The following STYX variants were observed in gnomAD, a reference collection of about 807,000 sequenced individuals.
STYX encodes the protein serine/threonine/tyrosine interacting protein.
In STYX, 20 loss-of-function variants were observed where a neutral mutation model predicts 42.7. The ratio of observed to expected loss-of-function variants is 0.47; its 90% CI spans 0.33 to 0.68. The LOEUF is 0.68. Ranked by LOEUF, STYX falls within the 30% of genes least tolerant of loss-of-function variation. The pLI, the probability that STYX is intolerant of heterozygous loss-of-function variation, is 0.02. For synonymous variants in STYX, 78 were observed against 81.9 expected (o/e 0.95, Z 0.26); for missense variants, 226 against 268.5 (o/e 0.84, Z 1.11).
At chr14:52,733,943 A>G (rs1006697768) in intron 1 of STYX, among the ~76,000 whole-genome samples, 2 of 152,170 alleles carry the variant, frequency 1.3e-5, no homozygotes, top group African/African-American at 4.8e-5. Context: ...CTTGGGTCCA[A>G]ATACCCCCTA....
At chr14:52,748,346 A>G (rs1255344894) in intron 3 of STYX, among the ~76,000 whole-genome samples, 1 of 152,160 alleles carries the variant, frequency 6.6e-6, no homozygotes, top group Non-Finnish European at 1.5e-5. Flanking sequence ...TTCCCACCTT[A>G]GTCTCCCAAG....
intron 9 of STYX, among the ~76,000 whole-genome samples, chr14:52,763,294 A>G (rs1882172241): frequency 6.6e-6 from 1 of 152,136 alleles, no homozygotes; most frequent in South Asian, 2.1e-4. Context: ...AAGGAAAATA[A>G]TATCTTGTAC....
rs867635216 is a variant in STYX, at chr14:52,771,860, C to G, written c.*754C>G. On this transcript the variant is annotated 3_prime_UTR_variant, in exon 11 of 11. Coordinates refer to ENST00000354586, the MANE Select transcript of STYX (RefSeq NM_145251.4). ...ATTTATAGTACCAAGTGCTTAAACA[C>G]AAGGATAGTGTTAGATTTTCGAGTG... The G allele has an allele frequency of 2.0e-4, 30 of 152,450 alleles. No homozygotes were observed. The highest frequency in any genetic ancestry group is 6.8e-4 in the African/African-American group (28 of 41,434). 9.4% of individuals were successfully genotyped at this position (152,450 alleles called of 1,614,324 possible). A position where few individuals can be genotyped will look rare whatever the true frequency, so the allele number is the denominator to read the frequency against.
At chr14:52,770,489 A>G (rs538292788) in intron 10 of STYX, among the ~76,000 whole-genome samples, 9 of 152,214 alleles carry the variant, frequency 5.9e-5, no homozygotes, top group African/African-American at 1.9e-4. Context: ...AGATTTCTGT[A>G]CTAGCAGATG....
At chr14:52,751,100 G>T (rs1384540919) in intron 4 of STYX, among the ~76,000 whole-genome samples, 1 of 152,084 alleles carries the variant, frequency 6.6e-6, no homozygotes, top group East Asian at 1.9e-4. Context: ...GTATCTAGGG[G>T]ATAGGTTTAG....
At chr14:52,747,226 T>C (rs1484920247) in intron 3 of STYX, among the ~76,000 whole-genome samples, 3 of 152,150 alleles carry the variant, frequency 2.0e-5, no homozygotes, top group Non-Finnish European at 4.4e-5. Flanking sequence ...AATATAGCAA[T>C]GTTCTTGCCA....
Position 52,771,754 on chromosome 14 carries a change from T to C in STYX, c.*648T>C, listed in dbSNP as rs1234584346. The stretch of plus-strand genomic sequence containing the variant: ...TGTCCTTACTTTAACTTGATCTAAT[T>C]ATTGCTTCCTTTCTTATTACTTTCC... On this transcript the variant is annotated 3_prime_UTR_variant, in exon 11 of 11. Coordinates refer to ENST00000354586, the MANE Select transcript of STYX (RefSeq NM_145251.4). The C allele has an allele frequency of 6.6e-6, 1 of 152,548 alleles. No homozygotes were observed. Among genetic ancestry groups the C allele is most frequent in the Non-Finnish European group, 1.5e-5 (1 of 67,960 alleles). The allele number at this position is 152,548 out of a possible 1,614,324, so 9.4% of individuals were successfully genotyped here.
chr14:52,738,473 A>G (rs1355543831), intron 1 of STYX, among the ~76,000 whole-genome samples: 1 of 152,186 alleles, frequency 6.6e-6, no homozygotes, highest in Non-Finnish European at 1.5e-5. Flanking sequence ...ATTCTATCCC[A>G]TATGTGCCTG....
intron 6 of STYX, 119 bp downstream of exon 6, chr14:52,757,474 C>G: frequency 2.1e-6 from 2 of 951,978 alleles, no homozygotes; most frequent in Non-Finnish European, 3.2e-6. Context: ...GTAGCTTACT[C>G]CCAAATTTGT....
At chr14:52,741,034 T>C (rs1881168423) in intron 1 of STYX, among the ~76,000 whole-genome samples, 1 of 152,306 alleles carries the variant, frequency 6.6e-6, no homozygotes, top group East Asian at 1.9e-4. Context: ...TCACTGAGCA[T>C]AATGTCAATG....
chr14:52,750,812 T>G, intron 4 of STYX, 32 bp downstream of exon 4: 3 of 1,392,164 alleles, frequency 2.2e-6, no homozygotes, highest in Non-Finnish European at 3.0e-6. Context: ...TGTAAAACAC[T>G]TAATGAAGTT....
chr14:52,762,748 A>G (rs1477928813), intron 9 of STYX, among the ~76,000 whole-genome samples: 1 of 152,042 alleles, frequency 6.6e-6, no homozygotes, highest in East Asian at 1.9e-4. Context: ...ATATCTGACC[A>G]TAATGTTTTA....
chr14:52,741,231 T>TA (rs376474199), intron 1 of STYX, among the ~76,000 whole-genome samples: 1,211 of 116,718 alleles, frequency 0.01, 9 homozygotes, highest in Middle Eastern at 0.017. Context: ...TATATATATA[T>TA]TTTTTTTTTG....
chr14:52,761,468 G>A (rs1882091038), intron 9 of STYX, among the ~76,000 whole-genome samples: 1 of 151,260 alleles, frequency 6.6e-6, no homozygotes, highest in Non-Finnish European at 1.5e-5. Flanking sequence ...CTCCAAAAAA[G>A]ATGAAGTAAT....
intron 9 of STYX, among the ~76,000 whole-genome samples, chr14:52,760,741 T>A (rs930889338): frequency 1.3e-5 from 2 of 152,184 alleles, no homozygotes; most frequent in African/African-American, 4.8e-5. Flanking sequence ...GTCTTCTAAC[T>A]TTGTAAGTTT....
intron 3 of STYX, among the ~76,000 whole-genome samples, chr14:52,748,404 A>G (rs1881476222): frequency 6.6e-6 from 1 of 152,134 alleles, no homozygotes; most frequent in African/African-American, 2.4e-5. Flanking sequence ...TAATTCTCAA[A>G]GTTTTTGTAG....
At chr14:52,750,402 C>T (rs1484426441) in intron 3 of STYX, among the ~76,000 whole-genome samples, 1 of 152,088 alleles carries the variant, frequency 6.6e-6, no homozygotes, top group African/African-American at 2.4e-5. Context: ...GTCCCAGGTG[C>T]TATGCCAAAC....
intron 4 of STYX, 118 bp from the exon 5 acceptor site, chr14:52,756,433 T>TA (rs1357260474): frequency 2.1e-5 from 13 of 623,156 alleles, no homozygotes; most frequent in East Asian, 1.9e-4. Flanking sequence ...GGGAATATGA[T>TA]ACTTTGAAAG....
rs78402324 is a variant in STYX, at chr14:52,736,780, A to T, written c.57+6249A>T. On this transcript the variant is annotated intron_variant, in intron 1 of 10. Transcript: ENST00000354586. ...ATCTGAATGAAGCTAGATGATTCTA[A>T]TGTTCAGTCAGGTTTAAAAATTGCT... Among the ~76,000 whole-genome samples the T allele has an allele frequency of 5.1e-3, 779 of 151,790 alleles. 6 individuals are homozygous for T. The highest frequency in any genetic ancestry group is 0.045 in the East Asian group (230 of 5,164).
Sources: allele counts gnomAD v4.1 joint callset (sites outside exome capture counted in the v4.1 genomes callset), GRCh38; gene constraint gnomAD v4.1.1; transcripts MANE v1.5; gene names NCBI Gene and HGNC (gene_info 2026-07-23, HGNC 2026-07-21).